The following ANXA2 variants were observed in gnomAD, a reference collection of about 807,000 sequenced individuals.
ANXA2 encodes annexin II.
Under a neutral mutation model 47.3 loss-of-function variants are expected in ANXA2, and 28 were observed. The ratio of observed to expected loss-of-function variants is 0.59; its 90% CI spans 0.44 to 0.81. The LOEUF is 0.81. Ranked by LOEUF, ANXA2 falls within the 40% of genes least tolerant of loss-of-function variation. The pLI, the probability that ANXA2 is intolerant of heterozygous loss-of-function variation, is 0.00. For missense variants in ANXA2, 384 were observed against 414.3 expected, an observed-to-expected ratio of 0.93 and a Z score of 0.64; for synonymous variants, 172 against 155.5, an observed-to-expected ratio of 1.11 and a Z score of -0.79.
chr15:60,375,421 T>C (rs1428285803), intron 3 of ANXA2, among the ~76,000 whole-genome samples: 2 of 152,200 alleles, frequency 1.3e-5, no homozygotes, highest in African/African-American at 4.8e-5. Context: ...GTCTATTTTC[T>C]GGAGTCTCGA....
At chr15:60,392,145 T>G (rs1380004099) in intron 1 of ANXA2, among the ~76,000 whole-genome samples, 1 of 152,172 alleles carries the variant, frequency 6.6e-6, no homozygotes, top group Admixed American at 6.5e-5. Context: ...ACAGGTCACT[T>G]GGCCCCACCC....
At chr15:60,379,052 G>A (rs888543685) in intron 3 of ANXA2, among the ~76,000 whole-genome samples, 2 of 151,960 alleles carry the variant, frequency 1.3e-5, no homozygotes, top group Admixed American at 6.6e-5. Context: ...AGGCCAAAGC[G>A]GGTGGATCAC....
intron 5 of ANXA2, 83 bp from the exon 6 acceptor site, chr15:60,357,319 G>T (rs2062446565): frequency 8.6e-7 from 1 of 1,165,236 alleles, no homozygotes; most frequent in Non-Finnish European, 1.3e-6. Context: ...CAAGTAAATT[G>T]CAAACATGGA....
intron 11 of ANXA2, among the ~76,000 whole-genome samples, chr15:60,349,445 T>C (rs1281654584): frequency 1.3e-5 from 2 of 152,196 alleles, no homozygotes; most frequent in Non-Finnish European, 1.5e-5. Flanking sequence ...GTAAGGTCTA[T>C]ATAAAACATA....
intron 5 of ANXA2, among the ~76,000 whole-genome samples, chr15:60,357,927 CCACT>C (rs1013049006): frequency 1.3e-5 from 2 of 152,108 alleles, no homozygotes; most frequent in East Asian, 1.9e-4. Flanking sequence ...TCTACAATAA[CCACT>C]CACTATTTTA....
intron 3 of ANXA2, among the ~76,000 whole-genome samples, chr15:60,372,763 G>T (rs890292680): frequency 2.0e-5 from 3 of 149,064 alleles, no homozygotes; most frequent in African/African-American, 7.5e-5. Flanking sequence ...GTACAACCAT[G>T]GCTCACTGTA....
intron 3 of ANXA2, among the ~76,000 whole-genome samples, chr15:60,372,299 C>T (rs996175030): frequency 6.6e-6 from 1 of 152,092 alleles, no homozygotes; most frequent in African/African-American, 2.4e-5. Context: ...AATGAGGAAA[C>T]CAATGCTCAT....
chr15:60,377,396 C>T lies in ANXA2; in HGVS notation c.148+4946G>A, dbSNP rs764063010. Among the ~76,000 whole-genome samples, 26 of 152,010 alleles carry T rather than the reference C, an allele frequency of 1.7e-4. 1 individual carries two copies. The highest frequency in any genetic ancestry group is 2.8e-4 in the Non-Finnish European group (19 of 68,008). On this transcript the variant is annotated intron_variant, in intron 3 of 12. Coordinates refer to ENST00000451270, the MANE Select transcript of ANXA2 (RefSeq NM_004039.3). ...AGAAAATTTGCAAAATACAGAAATACAGAATATACTGAAAGCCCAAGAAAG... is the reference window on the plus strand; with the variant it reads ...AGAAAATTTGCAAAATACAGAAATATAGAATATACTGAAAGCCCAAGAAAG...
chr15:60,379,476 C>T (rs111799886), intron 3 of ANXA2, among the ~76,000 whole-genome samples: 1 of 145,126 alleles, frequency 6.9e-6, no homozygotes, highest in Non-Finnish European at 1.5e-5. Flanking sequence ...TGAAAAAAAT[C>T]CAAGGCAATG....
In ANXA2 at chr15:60,356,488, T is replaced by C. The variant is rs947722967; in HGVS notation, c.449-490A>G. ...AGCATCTATATTGAAATACAGTAGC[T>C]AGAGAAGAACTGTAATGTTCCTGAT... On this transcript the variant is annotated intron_variant, in intron 6 of 12. Coordinates refer to ENST00000451270, the MANE Select transcript of ANXA2 (RefSeq NM_004039.3). Among the ~76,000 whole-genome samples, 20 of 152,160 alleles carry C rather than the reference T, an allele frequency of 1.3e-4. 1 individual carries two copies. Among genetic ancestry groups the C allele is most frequent in the Admixed American group, 8.5e-4 (13 of 15,286 alleles).
intron 5 of ANXA2, among the ~76,000 whole-genome samples, chr15:60,359,967 T>G (rs1029047479): frequency 8.5e-5 from 13 of 152,160 alleles, no homozygotes; most frequent in Non-Finnish European, 1.6e-4. Flanking sequence ...TATATAAAAC[T>G]TGATGTTGGC....
At chr15:60,385,159 A>T (rs2062915356) in intron 2 of ANXA2, among the ~76,000 whole-genome samples, 1 of 152,266 alleles carries the variant, frequency 6.6e-6, no homozygotes, top group South Asian at 2.1e-4. Context: ...CCTAATAGCC[A>T]CAGAAAAAAA....
At chr15:60,363,714 T>C (rs1317631667) in intron 4 of ANXA2, among the ~76,000 whole-genome samples, 2 of 152,158 alleles carry the variant, frequency 1.3e-5, no homozygotes, top group South Asian at 2.1e-4. Context: ...GCATGGCATG[T>C]TGAAGATAGC....
intron 3 of ANXA2, among the ~76,000 whole-genome samples, chr15:60,376,985 T>C (rs1396637387): frequency 6.6e-6 from 1 of 152,202 alleles, no homozygotes; most frequent in East Asian, 1.9e-4. Flanking sequence ...GCTACCCCCG[T>C]CTAGGAGAGA....
At chr15:60,368,558 T>C (rs2062669690) in intron 3 of ANXA2, among the ~76,000 whole-genome samples, 1 of 151,744 alleles carries the variant, frequency 6.6e-6, no homozygotes, top group African/African-American at 2.4e-5. Flanking sequence ...ATAAAGGTAC[T>C]GTTAAGTAAA....
At chr15:60,360,422 A>G (rs1302728054) in intron 5 of ANXA2, among the ~76,000 whole-genome samples, 1 of 152,242 alleles carries the variant, frequency 6.6e-6, no homozygotes, top group Non-Finnish European at 1.5e-5. Flanking sequence ...CTTCACAGTT[A>G]CTTTCTCACA....
At chr15:60,379,599 C>T (rs928986141) in intron 3 of ANXA2, among the ~76,000 whole-genome samples, 3 of 152,144 alleles carry the variant, frequency 2.0e-5, no homozygotes, top group African/African-American at 7.2e-5. Context: ...GGCCAAAAGA[C>T]CTCAGGCATA....
chr15:60,373,819 C>A (rs1278660713), intron 3 of ANXA2, among the ~76,000 whole-genome samples: 3 of 152,246 alleles, frequency 2.0e-5, no homozygotes, highest in African/African-American at 7.2e-5. Flanking sequence ...CTTCATTCAG[C>A]TTCTCTGTCA....
At chr15:60,397,357 C>G in intron 1 of ANXA2, 1 of 982,994 alleles carries the variant, frequency 1.0e-6, no homozygotes, top group African/African-American at 1.7e-5. Flanking sequence ...AGGGGAATAA[C>G]TGACGTTTTA....
Sources: allele counts gnomAD v4.1 joint callset (sites outside exome capture counted in the v4.1 genomes callset), GRCh38; gene constraint gnomAD v4.1.1; transcripts MANE v1.5; gene names NCBI Gene and HGNC (gene_info 2026-07-23, HGNC 2026-07-21).